FNBP1: variants seen among roughly 807,000 people sequenced by gnomAD.
The protein encoded by FNBP1 is formin binding protein 1.
In FNBP1, 26 loss-of-function variants were observed where a neutral mutation model predicts 90.6. That is an observed-to-expected ratio of 0.29 (90% CI 0.21 to 0.40). FNBP1 has a LOEUF of 0.40. FNBP1 is among the 10% of genes least tolerant of loss of function. The probability of loss-of-function intolerance (pLI) is 1.00; values close to 1 mark genes in which losing one functional copy is unlikely to be tolerated. For missense variants in FNBP1, 635 were observed against 768.0 expected, an observed-to-expected ratio of 0.83 and a Z score of 2.05; for synonymous variants, 260 against 265.2, an observed-to-expected ratio of 0.98 and a Z score of 0.19.
chr9:129,895,752 C>T, intron 16 of FNBP1, 86 bp downstream of exon 16: 1 of 1,440,354 alleles, frequency 6.9e-7, no homozygotes, highest in Non-Finnish European at 9.1e-7. Context: ...TGAGGAACTG[C>T]CTGTAACAGT....
At chr9:129,952,512 CAAAA>C (rs1204766949) in intron 6 of FNBP1, among the ~76,000 whole-genome samples, 2 of 151,876 alleles carry the variant, frequency 1.3e-5, no homozygotes, top group African/African-American at 2.4e-5. Context: ...AAAAAACAAA[CAAAA>C]AACCAGAAAC....
chr9:130,045,818 G>A (rs76205411), upstream of FNBP1, among the ~76,000 whole-genome samples: 2,486 of 152,270 alleles, frequency 0.016, 28 homozygotes, highest in East Asian at 0.03. Flanking sequence ...ATATAGCACA[G>A]CATTTTTTAG....
intron 10 of FNBP1, chr9:129,918,877 C>CAAAAAAAAAAAAAAAAAAAAAAAAAA (rs796911962): frequency 6.6e-6 from 1 of 151,500 alleles, no homozygotes; most frequent in African/African-American, 3.0e-5. Context: ...AAGAGAAAAA[C>CAAAAAAAAAAAAAAAAAAAAAAAAAA]AAAAAAAAAA....
rs967621772 is a variant in FNBP1 at position 130,030,430 on chromosome 9, G to A, written c.24+12522C>T. 8.0e-5 allele frequency among the ~76,000 whole-genome samples: 4 copies of A among 50,132 alleles called. No homozygotes were observed. In the East Asian group the frequency reaches 1.9e-3, roughly 23 times the overall value. The allele number at this position is 50,132 out of a possible 152,430, so 32.9% of individuals were successfully genotyped here. A position where few individuals can be genotyped will look rare whatever the true frequency, so the allele number is the denominator to read the frequency against. On this transcript the variant is annotated intron_variant, in intron 1 of 16. Transcript: ENST00000446176. ...AGCCTGGGTGACAGAGCAAGACTCC[G>A]TCTCCAAAAAAAAAAAAAAAAATCT... is the stretch of plus-strand genomic sequence containing the variant.
the FNBP1 span, chr9:130,053,446 T>C: frequency 4.7e-3 from 778 of 164,356 alleles, 7 homozygotes; most frequent in African/African-American, 0.018. Flanking sequence ...CCATTTCGCT[T>C]GTATTTGAGT....
Position 130,042,069 on chromosome 9 carries a change from C to T in FNBP1, c.24+883G>A, listed in dbSNP as rs2059873049. ...AGTGATTTCCCCAGGAATCCGGGGA[C>T]GGCAGGAAAAGAGCTCCATCCACAG... On this transcript the variant is annotated intron_variant, in intron 1 of 16. Coordinates refer to ENST00000446176, the MANE Select transcript of FNBP1 (RefSeq NM_015033.3). This position sits in a 1 kb window ranked among gnomAD's most constrained non-coding sequence, Gnocchi z 5.5. Among the ~76,000 whole-genome samples the T allele has an allele frequency of 6.6e-6, 1 of 152,062 alleles. No individual in the cohort carries two copies. Among genetic ancestry groups the T allele is most frequent in the East Asian group, 1.9e-4 (1 of 5,152 alleles).
chr9:129,959,426 TA>T (rs1244941999), intron 4 of FNBP1, among the ~76,000 whole-genome samples: 8 of 151,116 alleles, frequency 5.3e-5, no homozygotes, highest in Admixed American at 3.3e-4. Flanking sequence ...CCATCTCTAC[TA>T]AAAAGACAAA....
At chr9:129,946,031 T>C (rs2045228791) in intron 6 of FNBP1, among the ~76,000 whole-genome samples, 3 of 151,830 alleles carry the variant, frequency 2.0e-5, no homozygotes, top group African/African-American at 7.3e-5. Flanking sequence ...TAGCCGGGTG[T>C]AGTGGCGTAC....
chr9:129,915,844 C>T, intron 11 of FNBP1, 122 bp downstream of exon 11: 2 of 688,070 alleles, frequency 2.9e-6, no homozygotes, highest in Non-Finnish European at 5.1e-6. Flanking sequence ...AACAAAAGCA[C>T]ACGTAAGAGA....
intron 6 of FNBP1, among the ~76,000 whole-genome samples, chr9:129,948,025 A>G (rs2045597157): frequency 6.6e-6 from 1 of 150,626 alleles, no homozygotes; most frequent in Non-Finnish European, 1.5e-5. Flanking sequence ...GTGGTGGCTC[A>G]CACCTATAAT....
chr9:129,929,746 C>T (rs1265656638), intron 6 of FNBP1, 51 bp from the exon 7 acceptor site: 1 of 1,589,074 alleles, frequency 6.3e-7, no homozygotes, highest in Non-Finnish European at 8.6e-7. Flanking sequence ...TAGATAAAAG[C>T]CTGGGTGCAA....
At chr9:129,958,432 A>T in intron 5 of FNBP1, 59 bp downstream of exon 5, 3 of 1,276,078 alleles carry the variant, frequency 2.4e-6, no homozygotes, top group South Asian at 2.7e-5. Flanking sequence ...CCTCCGTCTC[A>T]AAAAAAAAGA....
At position 130,042,877 on chromosome 9, in the gene FNBP1, C is replaced by T; in HGVS notation, c.24+75G>A. The T allele has an allele frequency of 9.3e-7, 1 of 1,073,662 alleles. No individual in the cohort carries two copies. The highest frequency in any genetic ancestry group is 1.2e-6 in the Non-Finnish European group (1 of 845,072). 66.5% of individuals were successfully genotyped at this position (1,073,662 alleles called of 1,614,324 possible). A position where few individuals can be genotyped will look rare whatever the true frequency, so the allele number is the denominator to read the frequency against. On this transcript the variant is annotated intron_variant, in intron 1 of 16. Transcript: ENST00000446176. This position sits in a 1 kb window ranked among gnomAD's most constrained non-coding sequence, Gnocchi z 5.5. ...CTCGCCTCCGCCCAGCAGCGCGGCC[C>T]GCGCCCCCTCCCCAGGCCGCGGGGA...
At chr9:129,912,690 CAAA>C (rs35355384) in intron 11 of FNBP1, among the ~76,000 whole-genome samples, 3 of 108,226 alleles carry the variant, frequency 2.8e-5, no homozygotes, top group East Asian at 2.7e-4. Flanking sequence ...AACTCCATCT[CAAA>C]AAAAAAAAAA....
At chr9:129,961,883 G>A (rs1216672776) in intron 4 of FNBP1, among the ~76,000 whole-genome samples, 2 of 152,146 alleles carry the variant, frequency 1.3e-5, no homozygotes, top group African/African-American at 2.4e-5. Flanking sequence ...ACCGTGCCCG[G>A]CCCCTAAATC....
chr9:129,910,144 T>TGATGTC (rs2131563080), intron 11 of FNBP1: 2 of 456,186 alleles, frequency 4.4e-6, no homozygotes, highest in South Asian at 3.1e-5. Flanking sequence ...GGCTAAATTG[T>TGATGTC]GATGTCAAGT....
chr9:130,019,877 A>G (rs577253989), intron 1 of FNBP1, among the ~76,000 whole-genome samples: 68 of 151,710 alleles, frequency 4.5e-4, no homozygotes, highest in African/African-American at 1.5e-3. Context: ...TATTTTATCT[A>G]TGCAAACACT....
the FNBP1 span, among the ~76,000 whole-genome samples, chr9:130,049,234 A>G: frequency 6.6e-6 from 1 of 152,142 alleles, no homozygotes; most frequent in Non-Finnish European, 1.5e-5. Flanking sequence ...ACAAAAAATA[A>G]AAAAATTTGC....
intron 1 of FNBP1, among the ~76,000 whole-genome samples, chr9:130,032,597 G>A (rs1330121184): frequency 1.3e-5 from 2 of 152,122 alleles, no homozygotes; most frequent in Non-Finnish European, 2.9e-5. Flanking sequence ...CTGTTCCAAT[G>A]CAAATACTTC....
Sources: allele counts gnomAD v4.1 joint callset (sites outside exome capture counted in the v4.1 genomes callset), GRCh38; gene constraint gnomAD v4.1.1; non-coding constraint Gnocchi (gnomAD v3.1); transcripts MANE v1.5; gene names NCBI Gene and HGNC (gene_info 2026-07-23, HGNC 2026-07-21).